Variants in COP1 observed in about 807,000 individuals in gnomAD.
COP1 encodes the protein E3 ubiquitin-protein ligase COP1.
Under a neutral mutation model 101.3 loss-of-function variants are expected in COP1, and 24 were observed. The observed-to-expected ratio is 0.24, with a 90% confidence interval of 0.17 to 0.33. The LOEUF is 0.33. Ranked by LOEUF, COP1 falls within the 10% of genes least tolerant of loss-of-function variation. The pLI is 1.00. For synonymous variants in COP1, 347 were observed against 341.9 expected (o/e 1.01, Z -0.17); for missense variants, 663 against 906.2 (o/e 0.73, Z 3.45).
In COP1 at chr1:176,037,672, A is replaced by G. The variant is rs1181683622; in HGVS notation, c.1612+5514T>C. On this transcript the variant is annotated intron_variant, in intron 14 of 19. Transcript: ENST00000367669. ...TTTTGAAAGTCAATGACTATAATTC[A>G]TAATATTAATAAAGAGAAACTACAT... Among the ~76,000 whole-genome samples, 4 of 151,666 alleles carry G rather than the reference A, an allele frequency of 2.6e-5. No individual in the cohort carries two copies. The East Asian group carries it at 5.8e-4, about 22-fold the overall frequency.
At chr1:176,092,738 T>C (rs1220476827) in intron 9 of COP1, among the ~76,000 whole-genome samples, 1 of 152,210 alleles carries the variant, frequency 6.6e-6, no homozygotes, top group Admixed American at 6.5e-5. Context: ...CTGGAACTCA[T>C]ACACTCATGT....
chr1:176,097,737 G>C (rs1308958771), intron 9 of COP1, among the ~76,000 whole-genome samples: 1 of 151,696 alleles, frequency 6.6e-6, no homozygotes, highest in African/African-American at 2.4e-5. Context: ...GGTGTGGTGG[G>C]ACATGCCTGT....
chr1:176,206,986 C>A lies in COP1; in HGVS notation c.-8G>T. 1.5e-6 allele frequency: 2 copies of A among 1,370,608 alleles called. No homozygotes were observed. Among genetic ancestry groups the A allele is most frequent in the Non-Finnish European group, 1.9e-6 (2 of 1,065,708 alleles). 84.9% of individuals were successfully genotyped at this position (1,370,608 alleles called of 1,614,324 possible). ...CTGGCGGCTACCAGACATCGTGACT[C>A]CCTCCCCTCCAGCCGGGCGCTCGGA... On this transcript the variant is annotated 5_prime_UTR_variant, in exon 1 of 20. Coordinates refer to ENST00000367669, the MANE Select transcript of COP1 (RefSeq NM_022457.7).
intron 18 of COP1, among the ~76,000 whole-genome samples, chr1:175,986,320 A>C (rs550346849): frequency 2.0e-5 from 3 of 152,176 alleles, no homozygotes; most frequent in Non-Finnish European, 2.9e-5. Context: ...AACCTAGCCT[A>C]AGAATTATTT....
At chr1:176,081,456 A>G (rs1679130151) in intron 10 of COP1, among the ~76,000 whole-genome samples, 169 bp from the exon 11 acceptor site, 5 of 152,076 alleles carry the variant, frequency 3.3e-5, no homozygotes, top group Admixed American at 3.3e-4. Context: ...TTCAGTTTTA[A>G]TAAAAAATGT....
At chr1:176,048,901 G>A (rs1009661575) in intron 11 of COP1, among the ~76,000 whole-genome samples, 14 of 151,452 alleles carry the variant, frequency 9.2e-5, no homozygotes, top group Admixed American at 2.0e-4. Flanking sequence ...GGCCGGGCGC[G>A]GTGGCTCACG....
chr1:175,947,265 G>A lies in COP1; in HGVS notation c.2134-26C>T, dbSNP rs765552709. The A allele has an allele frequency of 3.5e-5, 54 of 1,548,424 alleles. No homozygotes were observed. In the African/African-American group the frequency reaches 6.7e-4, roughly 19 times the overall value. On this transcript the variant is annotated intron_variant, in intron 18 of 19. Coordinates refer to ENST00000367669, the MANE Select transcript of COP1 (RefSeq NM_022457.7). ...CTAGAAAAGAACAAGAGCTTTTAAA[G>A]TATAGAGAAGGATTTCCTGGAGAGC...
At chr1:175,945,628 C>G (rs746407292) in intron 19 of COP1, among the ~76,000 whole-genome samples, 1 of 152,154 alleles carries the variant, frequency 6.6e-6, no homozygotes, top group African/African-American at 2.4e-5. Context: ...CCATTTCTAG[C>G]CAATCATCTA....
At chr1:176,122,416 C>T (rs768211983) in intron 8 of COP1, among the ~76,000 whole-genome samples, 27 of 152,128 alleles carry the variant, frequency 1.8e-4, no homozygotes, top group South Asian at 8.3e-4. Flanking sequence ...TATACTCTGA[C>T]CCAAAAGATT....
chr1:176,116,737 G>C, intron 8 of COP1, 56 bp from the exon 9 acceptor site: 1 of 1,283,248 alleles, frequency 7.8e-7, no homozygotes, highest in Non-Finnish European at 1.1e-6. Context: ...TTTAACAACA[G>C]AAAAAGTAAA....
intron 9 of COP1, among the ~76,000 whole-genome samples, chr1:176,099,439 G>T (rs866109457): frequency 1.3e-5 from 2 of 151,252 alleles, no homozygotes; most frequent in Admixed American, 6.6e-5. Flanking sequence ...AACTTATTTT[G>T]AACTATTTAC....
At chr1:176,072,410 C>T (rs1677158989) in intron 11 of COP1, among the ~76,000 whole-genome samples, 1 of 152,164 alleles carries the variant, frequency 6.6e-6, no homozygotes, top group African/African-American at 2.4e-5. Context: ...ATCTCTCAGC[C>T]TAAAACACAG....
At chr1:176,186,293 T>A (rs1421293782) in intron 1 of COP1, among the ~76,000 whole-genome samples, 1 of 150,918 alleles carries the variant, frequency 6.6e-6, no homozygotes, top group African/African-American at 2.4e-5. Flanking sequence ...GCAAATTTTT[T>A]AAAAAGGCAC....
chr1:175,959,859 T>C (rs1160038778), intron 18 of COP1, among the ~76,000 whole-genome samples: 2 of 152,216 alleles, frequency 1.3e-5, no homozygotes, highest in Non-Finnish European at 2.9e-5. Flanking sequence ...AATTGTATAA[T>C]AGATCAAATA....
At chr1:176,085,373 T>C (rs1377863331) in intron 10 of COP1, among the ~76,000 whole-genome samples, 1 of 152,192 alleles carries the variant, frequency 6.6e-6, no homozygotes, top group East Asian at 1.9e-4. Context: ...TTGCTTTCCC[T>C]GACTCGATTT....
At chr1:176,075,209 T>C (rs967071007) in intron 11 of COP1, among the ~76,000 whole-genome samples, 1 of 152,174 alleles carries the variant, frequency 6.6e-6, no homozygotes, top group African/African-American at 2.4e-5. Context: ...CAAATTTTAC[T>C]CAGTCAAGTG....
Position 176,050,144 on chromosome 1 carries a change from T to C in COP1, c.1278-3820A>G, listed in dbSNP as rs937587508. 2.6e-5 allele frequency among the ~76,000 whole-genome samples: 4 copies of C among 152,344 alleles called. No homozygotes were observed. The Middle Eastern group carries it at 0.014, about 518-fold the overall frequency. On this transcript the variant is annotated intron_variant, in intron 11 of 19. Transcript: ENST00000367669. Reference sequence around the variant, plus strand: ...AAAATCGTGTTTCTGGGGACATAAATTGCATTTTTCTTTCACATTTTGAAA... The same window carrying C: ...AAAATCGTGTTTCTGGGGACATAAACTGCATTTTTCTTTCACATTTTGAAA...
At chr1:176,127,317 A>G (rs941534605) in intron 8 of COP1, among the ~76,000 whole-genome samples, 4 of 152,054 alleles carry the variant, frequency 2.6e-5, no homozygotes, top group African/African-American at 9.7e-5. Flanking sequence ...CTGTCTAACT[A>G]TAACTTTGTA....
At chr1:176,104,991 T>C (rs1572258678) in intron 9 of COP1, among the ~76,000 whole-genome samples, 1 of 152,166 alleles carries the variant, frequency 6.6e-6, no homozygotes. Context: ...TGAACTTCCA[T>C]AGAGTTACCT....
Sources: gnomAD v4.1 joint callset for allele counts (sites outside exome capture counted in the v4.1 genomes callset) on GRCh38, gnomAD v4.1.1 for gene constraint, MANE v1.5 for transcripts, NCBI Gene and HGNC (gene_info 2026-07-23, HGNC 2026-07-21) for gene names.